USP34: variants seen among roughly 807,000 people sequenced by gnomAD.
USP34 encodes ubiquitin carboxyl-terminal hydrolase 34.
USP34 carries 70 observed loss-of-function variants against 460.3 expected under a neutral mutation model. The ratio of observed to expected loss-of-function variants is 0.15; its 90% CI spans 0.13 to 0.19. The LOEUF is 0.19. USP34 is among the 10% of genes least tolerant of loss of function. USP34 has a pLI of 1.00. For missense variants in USP34, 3,985 were observed against 4,236.2 expected, an observed-to-expected ratio of 0.94 and a Z score of 1.65; for synonymous variants, 1,647 against 1,405.3, an observed-to-expected ratio of 1.17 and a Z score of -3.85.
rs147553328 is a variant in USP34 at position 61,362,419 on chromosome 2, A to G, written c.1251+7902T>C. Among the ~76,000 whole-genome samples the G allele has an allele frequency of 2.3e-3, 351 of 152,332 alleles. 2 individuals carry two copies. The highest frequency in any genetic ancestry group is 3.7e-3 in the Non-Finnish European group (254 of 68,020). ...TGGAAAAAAAACTAAACATCTTTCC[A>G]CAGATGAATAGACAAAATGTGGTGT... is the stretch of plus-strand genomic sequence containing the variant. On this transcript the variant is annotated intron_variant, in intron 10 of 79. Coordinates refer to ENST00000398571, the MANE Select transcript of USP34 (RefSeq NM_014709.4).
At chr2:61,432,978 G>A (rs542278361) in intron 1 of USP34, among the ~76,000 whole-genome samples, 1 of 152,328 alleles carries the variant, frequency 6.6e-6, no homozygotes, top group East Asian at 1.9e-4. Flanking sequence ...CAAGATATTA[G>A]ATAAGCTGAA....
At chr2:61,274,232 A>G (rs1180058092) in intron 41 of USP34, among the ~76,000 whole-genome samples, 1 of 151,866 alleles carries the variant, frequency 6.6e-6, no homozygotes, top group Non-Finnish European at 1.5e-5. Flanking sequence ...TCCACTAAAA[A>G]TACAAAATTT....
At chr2:61,450,985 C>G (rs1289743525) in intron 1 of USP34, among the ~76,000 whole-genome samples, 1 of 151,168 alleles carries the variant, frequency 6.6e-6, no homozygotes, top group African/African-American at 2.4e-5. Context: ...TTTGGGAGGC[C>G]AAGGCAGGCG....
In USP34 at chr2:61,190,301, T is replaced by A. The variant is rs903403982; in HGVS notation, c.9843A>T (p.Glu3281Asp). ...TTAAAGAAGCACTTGCTTTGGAAATTTCAACTCGGTTGGAGAAATCAGACT... is the reference window on the plus strand; with the variant it reads ...TTAAAGAAGCACTTGCTTTGGAAATATCAACTCGGTTGGAGAAATCAGACT... ...NLQSDFSNRV[E>D]ISKASASLNG... Residue 3281 changes from glutamate to aspartate, a missense_variant, in exon 78 of 80, where the codon GAA (glutamate) becomes GAT (aspartate). Glu to Asp is a conservative substitution (Grantham distance 45). Around this residue, in one of 14 missense-constraint regions of USP34, gnomAD observed 506 missense variants for 439.0 expected, o/e 1.15. Transcript: ENST00000398571. 1.9e-6 allele frequency: 3 copies of A among 1,613,260 alleles called. No homozygotes were observed. The African/African-American group carries it at 4.0e-5, about 22-fold the overall frequency.
chr2:61,189,171 TTTCC>T, intron 78 of USP34, 102 bp from the exon 79 acceptor site: 4 of 1,286,634 alleles, frequency 3.1e-6, no homozygotes, highest in Non-Finnish European at 4.2e-6. Flanking sequence ...GAATCCATTC[TTTCC>T]TAAGAATACC....
rs776676252 is a variant in USP34 at position 61,189,014 on chromosome 2, G to C, written c.9929C>G (p.Pro3310Arg). The C allele has an allele frequency of 6.2e-7, 1 of 1,614,204 alleles. No individual in the cohort carries two copies. Among genetic ancestry groups the C allele is most frequent in the South Asian group, 1.1e-5 (1 of 91,082 alleles). The part of the protein sequence containing the change: ...LSVHTPKQLN[P>R]ALIPTLQELL... Reference sequence around the variant, plus strand: ...CTCTTGCAGAGTTGGAATTAGAGCTGGGTTTAACTGTTTGGGAGTGTGTAC... The same window carrying C: ...CTCTTGCAGAGTTGGAATTAGAGCTCGGTTTAACTGTTTGGGAGTGTGTAC... Residue 3310 changes from proline (P) to arginine (R), a missense_variant, in exon 79 of 80, where the codon CCA becomes CGA. Coordinates refer to ENST00000398571, the MANE Select transcript of USP34 (RefSeq NM_014709.4).
chr2:61,201,818 C>T (rs951245174), intron 75 of USP34, among the ~76,000 whole-genome samples: 2 of 152,146 alleles, frequency 1.3e-5, no homozygotes, highest in Non-Finnish European at 2.9e-5. Flanking sequence ...AACACAATTA[C>T]CAAAAATTTT....
At chr2:61,369,915 G>C (rs1213894254) in intron 10 of USP34, among the ~76,000 whole-genome samples, 3 of 147,356 alleles carry the variant, frequency 2.0e-5, no homozygotes, top group Non-Finnish European at 3.0e-5. Context: ...GGGGCAGAAA[G>C]GAAAAACATG....
Position 61,221,494 on chromosome 2 carries a change from A to G in USP34, c.7899+8T>C. On this transcript the variant is annotated splice_region_variant and intron_variant, in intron 66 of 79. Transcript: ENST00000398571. ...ATAAACATTGAAAACACCTGCTGCA[A>G]GACTTACCTCCCATATCCTCTGCAG... The G allele has an allele frequency of 1.2e-6, 2 of 1,608,842 alleles. No individual in the cohort carries two copies. Among genetic ancestry groups the G allele is most frequent in the Non-Finnish European group, 1.7e-6 (2 of 1,177,924 alleles).
At chr2:61,362,940 G>T (rs1313688443) in intron 10 of USP34, among the ~76,000 whole-genome samples, 2 of 152,042 alleles carry the variant, frequency 1.3e-5, no homozygotes, top group Non-Finnish European at 2.9e-5. Flanking sequence ...CAGACTTAGA[G>T]AAATTATATG....
At chr2:61,199,180 T>C (rs1377027465) in intron 75 of USP34, among the ~76,000 whole-genome samples, 1 of 152,214 alleles carries the variant, frequency 6.6e-6, no homozygotes, top group Non-Finnish European at 1.5e-5. Context: ...CTAGGTAGCA[T>C]GGTCTTTCAA....
At chr2:61,272,149 C>T (rs550156595) in intron 41 of USP34, among the ~76,000 whole-genome samples, 5 of 152,288 alleles carry the variant, frequency 3.3e-5, no homozygotes, top group South Asian at 2.1e-4. Context: ...CGGCGGCTCA[C>T]GCCTGTAATC....
intron 1 of USP34, among the ~76,000 whole-genome samples, chr2:61,423,537 A>C (rs1254093246): frequency 6.6e-6 from 1 of 152,262 alleles, no homozygotes; most frequent in Non-Finnish European, 1.5e-5. Flanking sequence ...GCTAAAAGGA[A>C]TTAAAGAAGA....
intron 27 of USP34, among the ~76,000 whole-genome samples, chr2:61,311,229 G>C (rs1283144276): frequency 1.3e-5 from 2 of 152,156 alleles, no homozygotes; most frequent in Admixed American, 1.3e-4. Flanking sequence ...CTGATGGAGG[G>C]AGTCTGTTCA....
chr2:61,340,085 A>C (rs1292696491), intron 16 of USP34, among the ~76,000 whole-genome samples: 1 of 152,196 alleles, frequency 6.6e-6, no homozygotes, highest in South Asian at 2.1e-4. Flanking sequence ...ATATTTTCAC[A>C]TCAAGAGAAC....
chr2:61,226,501 T>C (rs1687734859), intron 62 of USP34, among the ~76,000 whole-genome samples: 2 of 152,304 alleles, frequency 1.3e-5, no homozygotes, highest in African/African-American at 4.8e-5. Context: ...CCTTAAAAAG[T>C]AGGATATCAT....
At chr2:61,290,268 A>T (rs1437156632) in intron 33 of USP34, among the ~76,000 whole-genome samples, 2 of 152,146 alleles carry the variant, frequency 1.3e-5, no homozygotes, top group Non-Finnish European at 2.9e-5. Flanking sequence ...CTGTTCTGAA[A>T]AACAGTTTGG....
At chr2:61,221,631 T>A in intron 65 of USP34, 25 bp from the exon 66 acceptor site, 1 of 1,605,792 alleles carries the variant, frequency 6.2e-7, no homozygotes, top group Non-Finnish European at 8.5e-7. Flanking sequence ...CATGACTGTG[T>A]ATTTAGATCA....
chr2:61,235,057 T>C (rs1688025804), intron 57 of USP34, among the ~76,000 whole-genome samples: 1 of 152,136 alleles, frequency 6.6e-6, no homozygotes, highest in Non-Finnish European at 1.5e-5. Context: ...TTTGCACAGT[T>C]TACTTGAGAT....
Sources: gnomAD v4.1 joint callset for allele counts (sites outside exome capture counted in the v4.1 genomes callset) on GRCh38, gnomAD v4.1.1 for gene constraint, gnomAD v4.1.1 regional missense constraint, MANE v1.5 for transcripts, NCBI Gene and HGNC (gene_info 2026-07-23, HGNC 2026-07-21) for gene names.